ZFHX3: variants seen among roughly 807,000 people sequenced by gnomAD.
ZFHX3 encodes the protein zinc finger homeobox protein 3.
ZFHX3 carries 42 observed loss-of-function variants against 279.1 expected under a neutral mutation model. The ratio of observed to expected loss-of-function variants is 0.15; its 90% CI spans 0.12 to 0.19. ZFHX3 has a LOEUF of 0.19. Among genes scored for constraint, ZFHX3 ranks in the 10% least tolerant of loss-of-function variants. ZFHX3 has a pLI of 1.00. For missense variants in ZFHX3, 4,981 were observed against 4,754.0 expected (o/e 1.05, Z -1.40); for synonymous variants, 2,293 against 1,957.8 (o/e 1.17, Z -4.52).
chr16:73,539,163 G>C (rs185231630), intron 2 of ZFHX3, among the ~76,000 whole-genome samples: 12 of 151,776 alleles, frequency 7.9e-5, no homozygotes, highest in Admixed American at 7.9e-4. Flanking sequence ...TGAAAACTAG[G>C]AGAATTGAAC....
chr16:73,501,069 T>C (rs184548217), intron 2 of ZFHX3, among the ~76,000 whole-genome samples: 23 of 152,376 alleles, frequency 1.5e-4, no homozygotes, highest in African/African-American at 5.5e-4. Context: ...AACGATATTT[T>C]GTATATACCT....
At chr16:73,520,368 G>C (rs1198927579) in intron 2 of ZFHX3, among the ~76,000 whole-genome samples, 4 of 152,078 alleles carry the variant, frequency 2.6e-5, no homozygotes, top group African/African-American at 9.7e-5. Flanking sequence ...AATTACAAAG[G>C]CATAGCCTAG....
rs191513208 is a variant in ZFHX3 at position 73,239,602 on chromosome 16, C to T, written c.-1104+17445G>A. On this transcript the variant is annotated intron_variant, in intron 5 of 17. Coordinates refer to the ZFHX3 transcript ENST00000641206. Reference sequence around the variant, plus strand: ...CTCTTGAGGTCAGGGACTGATTCTTCGCCTATCTTCCAGCAGCGGTAGATT... The same window carrying T: ...CTCTTGAGGTCAGGGACTGATTCTTTGCCTATCTTCCAGCAGCGGTAGATT... Among the ~76,000 whole-genome samples, 173 of 152,288 alleles carry T rather than the reference C, an allele frequency of 1.1e-3. 1 individual carries two copies. Among genetic ancestry groups the T allele is most frequent in the Admixed American group, 2.4e-3 (37 of 15,294 alleles).
At chr16:73,788,940 G>T (rs1354531789) in intron 1 of ZFHX3, among the ~76,000 whole-genome samples, 1 of 151,116 alleles carries the variant, frequency 6.6e-6, no homozygotes. Flanking sequence ...GCCACACATG[G>T]GATCTGATTT....
chr16:73,424,997 A>G lies in ZFHX3; in HGVS notation c.-1291+31006T>C, dbSNP rs189566465. Reference sequence around the variant, plus strand: ...GGGTCTGATAACTGGGCCAAAGACCACCAGCGGGAGTGCGTCTTGCCTGTC... The same window carrying G: ...GGGTCTGATAACTGGGCCAAAGACCGCCAGCGGGAGTGCGTCTTGCCTGTC... On this transcript the variant is annotated intron_variant, in intron 3 of 17. Transcript: ENST00000641206. 2.6e-3 allele frequency among the ~76,000 whole-genome samples: 402 copies of G among 152,266 alleles called. 3 individuals are homozygous for G. Among genetic ancestry groups the G allele is most frequent in the African/African-American group, 9.0e-3 (376 of 41,554 alleles).
intron 3 of ZFHX3, among the ~76,000 whole-genome samples, chr16:72,915,861 TGC>T (rs1055925386): frequency 3.3e-4 from 51 of 152,324 alleles, no homozygotes; most frequent in African/African-American, 1.1e-3. Context: ...AATCTCTGAG[TGC>T]TTACTATGTG....
chr16:73,228,488 C>G (rs1006323296), intron 5 of ZFHX3, among the ~76,000 whole-genome samples: 4 of 152,116 alleles, frequency 2.6e-5, no homozygotes, highest in African/African-American at 9.7e-5. Context: ...CATGGTGAAA[C>G]CTCATCTCTA....
rs1324661843 is a variant in ZFHX3, at chr16:72,785,616, TTTTA to T, written c.*1544_*1547del. 3.9e-5 allele frequency: 6 copies of T among 152,558 alleles called. No homozygotes were observed. The highest frequency in any genetic ancestry group is 7.3e-5 in the Non-Finnish European group (5 of 68,040). 9.5% of individuals were successfully genotyped at this position (152,558 alleles called of 1,614,324 possible). On this transcript the variant is annotated 3_prime_UTR_variant, in exon 10 of 10. Transcript: ENST00000268489. Reference sequence around the variant, plus strand: ...AGCAGTGAAAGGGTGTGTCTTTGGATTTTATTTAAAGCATGAAATTTTTTTTTCT... The same window carrying T: ...AGCAGTGAAAGGGTGTGTCTTTGGATTTTAAAGCATGAAATTTTTTTTTCT...
At chr16:73,282,199 C>T (rs2014475167) in intron 4 of ZFHX3, among the ~76,000 whole-genome samples, 1 of 152,144 alleles carries the variant, frequency 6.6e-6, no homozygotes, top group Admixed American at 6.5e-5. Flanking sequence ...TAGCGTTTAC[C>T]CCCTTTTCCA....
At chr16:73,104,832 C>A (rs1314272091) in intron 7 of ZFHX3, among the ~76,000 whole-genome samples, 1 of 152,098 alleles carries the variant, frequency 6.6e-6, no homozygotes, top group Non-Finnish European at 1.5e-5. Flanking sequence ...ACCATTCTGT[C>A]CCCCATGTGC....
intron 3 of ZFHX3, among the ~76,000 whole-genome samples, chr16:72,922,833 G>A (rs1428581796): frequency 3.3e-5 from 5 of 152,088 alleles, no homozygotes; most frequent in East Asian, 3.9e-4. Flanking sequence ...TACAGCTGAC[G>A]TTACAGGGTC....
chr16:72,808,459 CA>C (rs2036337634), intron 7 of ZFHX3, among the ~76,000 whole-genome samples: 1 of 152,174 alleles, frequency 6.6e-6, no homozygotes, highest in Non-Finnish European at 1.5e-5. Context: ...TAACTCCATG[CA>C]AAGAGAAAAC....
intron 2 of ZFHX3, among the ~76,000 whole-genome samples, chr16:73,510,976 C>T (rs187304319): frequency 1.3e-5 from 2 of 152,360 alleles, no homozygotes; most frequent in Admixed American, 1.3e-4. Flanking sequence ...CAGATTTTTG[C>T]AGGTACAACC....
chr16:73,651,026 T>C (rs2052665493), intron 2 of ZFHX3, among the ~76,000 whole-genome samples: 1 of 151,968 alleles, frequency 6.6e-6, no homozygotes, highest in Admixed American at 6.5e-5. Context: ...AAAATAAGAA[T>C]AAAAATTAAG....
At chr16:73,147,436 T>A (rs535088376) in intron 5 of ZFHX3, among the ~76,000 whole-genome samples, 3 of 152,082 alleles carry the variant, frequency 2.0e-5, no homozygotes, top group Non-Finnish European at 2.9e-5. Flanking sequence ...CTCACGCCTG[T>A]AATCCCAGCA....
At chr16:73,455,251 C>A (rs1026594683) in intron 3 of ZFHX3, among the ~76,000 whole-genome samples, 1 of 152,146 alleles carries the variant, frequency 6.6e-6, no homozygotes, top group Admixed American at 6.5e-5. Flanking sequence ...CTGAGAGGTC[C>A]AAATGCTTCC....
intron 4 of ZFHX3, among the ~76,000 whole-genome samples, chr16:73,279,462 C>T (rs981114882): frequency 6.6e-6 from 1 of 151,686 alleles, no homozygotes; most frequent in African/African-American, 2.4e-5. Flanking sequence ...GGGAACATTG[C>T]ATTTTTTATA....
chr16:72,996,625 G>A (rs1963304128), intron 1 of ZFHX3, among the ~76,000 whole-genome samples: 1 of 152,226 alleles, frequency 6.6e-6, no homozygotes, highest in Admixed American at 6.5e-5. Context: ...AAGGCGGGGA[G>A]GGGCTGGGGG....
At chr16:73,476,786 AG>A (rs2018773516) in intron 2 of ZFHX3, among the ~76,000 whole-genome samples, 1 of 152,238 alleles carries the variant, frequency 6.6e-6, no homozygotes, top group South Asian at 2.1e-4. Flanking sequence ...TAAACTAACA[AG>A]TTCATTAAAA....
Sources: allele counts gnomAD v4.1 joint callset (sites outside exome capture counted in the v4.1 genomes callset), GRCh38; gene constraint gnomAD v4.1.1; transcripts MANE v1.5; gene names NCBI Gene and HGNC (gene_info 2026-07-23, HGNC 2026-07-21).